Variants in LLGL1 observed in about 807,000 individuals in gnomAD.
LLGL1 encodes the protein lethal(2) giant larvae protein homolog 1.
Under a neutral mutation model 110.6 loss-of-function variants are expected in LLGL1, and 58 were observed. The ratio of observed to expected loss-of-function variants is 0.52; its 90% CI spans 0.42 to 0.65. The LOEUF is 0.65. Among genes scored for constraint, LLGL1 ranks in the 30% least tolerant of loss-of-function variants. The pLI is 0.00. For synonymous variants in LLGL1, 674 were observed against 607.2 expected (o/e 1.11, Z -1.62); for missense variants, 1,229 against 1,462.1 (o/e 0.84, Z 2.60).
chr17:18,232,330 G>A (rs1243547147), intron 2 of LLGL1, among the ~76,000 whole-genome samples, 165 bp from the exon 3 acceptor site: 2 of 152,246 alleles, frequency 1.3e-5, no homozygotes, highest in African/African-American at 4.8e-5. Context: ...GGTGCAGAGT[G>A]GGAGCTTTAG....
rs745717343 is a variant in LLGL1 at position 18,238,613 on chromosome 17, AGGCAGG to A, written c.2206+18_2206+23del. The A allele has an allele frequency of 2.3e-4, 366 of 1,608,852 alleles. No homozygotes were observed. The highest frequency in any genetic ancestry group is 2.7e-4 in the East Asian group (12 of 44,840). On this transcript the variant is annotated splice_donor_5th_base_variant and intron_variant, in intron 16 of 22. Coordinates refer to ENST00000316843, the MANE Select transcript of LLGL1 (RefSeq NM_004140.4). The stretch of plus-strand genomic sequence containing the variant: ...GCCGACACATTCCTTCGAGATGGTA[AGGCAGG>A]GGCAGGGGCAGGGACAGGGCAAGGG...
chr17:18,237,370 C>G (rs535108403), intron 13 of LLGL1, 111 bp from the exon 14 acceptor site: 78 of 1,102,096 alleles, frequency 7.1e-5, no homozygotes, highest in Non-Finnish European at 9.3e-5. Flanking sequence ...GAAGACAGTC[C>G]TAGAACCACC....
chr17:18,241,799 C>G, intron 18 of LLGL1, 84 bp downstream of exon 18: 2 of 1,608,006 alleles, frequency 1.2e-6, no homozygotes, highest in Non-Finnish European at 1.7e-6. Flanking sequence ...AGGAAGGGCA[C>G]TCCAGGTGGG....
chr17:18,237,513 G>A lies in LLGL1; in HGVS notation c.1644G>A (p.Val548=), dbSNP rs376726433. The stretch of plus-strand genomic sequence containing the variant: ...TACTGGAGCTTAGTGATGTGCCGGT[G>A]GAGCAGGCGGTCAGCGTGGCCATCA... ...VLVLELSDVP[V]EQAVSVAIID... The change falls in exon 14 of 23, where the codon GTG becomes GTA. Residue 548 remains valine, a synonymous_variant. Coordinates refer to ENST00000316843, the MANE Select transcript of LLGL1 (RefSeq NM_004140.4). 7 of 1,597,224 alleles carry A rather than the reference G, an allele frequency of 4.4e-6. No individual in the cohort carries two copies. The highest frequency in any genetic ancestry group is 5.1e-6 in the Non-Finnish European group (6 of 1,169,404).
At chr17:18,236,568 C>A in intron 11 of LLGL1, 39 bp from the exon 12 acceptor site, 3 of 1,581,508 alleles carry the variant, frequency 1.9e-6, no homozygotes, top group South Asian at 1.1e-5. Flanking sequence ...GCAGGCCTCC[C>A]AGGAACTCGG....
intron 1 of LLGL1, among the ~76,000 whole-genome samples, chr17:18,228,070 T>C (rs894297890): frequency 1.3e-5 from 2 of 152,186 alleles, no homozygotes; most frequent in African/African-American, 4.8e-5. Context: ...TCCAAGGTGC[T>C]GGGGACAACA....
chr17:18,232,528 G>C lies in LLGL1; in HGVS notation c.213G>C (p.Leu71=). ...CACCTGGCGTGGAGTTCACAGGCCT[G>C]CACCGGGATGCAGCCACTGTCACAC... ...YGAPGVEFTG[L]HRDAATVTQM... The change falls in exon 3 of 23, where the codon CTG becomes CTC. Residue 71 remains leucine, a synonymous_variant. Coordinates refer to ENST00000316843, the MANE Select transcript of LLGL1 (RefSeq NM_004140.4). The C allele has an allele frequency of 6.2e-7, 1 of 1,614,100 alleles. No individual in the cohort carries two copies. The highest frequency in any genetic ancestry group is 8.5e-7 in the Non-Finnish European group (1 of 1,179,984).
At position 18,237,760 on chromosome 17, in the gene LLGL1, C is replaced by T. The variant is rs765526913; in HGVS notation, c.1891C>T (p.Pro631Ser). 1.2e-6 allele frequency: 2 copies of T among 1,605,196 alleles called. No individual in the cohort carries two copies. The highest frequency in any genetic ancestry group is 1.7e-6 in the Non-Finnish European group (2 of 1,174,504). ...FGLFDYQRKS[P>S]VLARCTLHPN... ...CCTCTTCGACTACCAGCGCAAGAGC[C>T]CTGTGCTGGCCAGGTGTGTGGGGTG... Residue 631 changes from proline to serine, a missense_variant, in exon 14 of 23, where the codon CCT (proline) becomes TCT (serine). By Grantham distance (74) the Pro-to-Ser change is moderately conservative. Transcript: ENST00000316843.
At chr17:18,228,870 G>A in intron 1 of LLGL1, among the ~76,000 whole-genome samples, 1 of 151,932 alleles carries the variant, frequency 6.6e-6, no homozygotes, top group Non-Finnish European at 1.5e-5. Flanking sequence ...ACTGTGACTT[G>A]CCCAAGGCCA....
In LLGL1 at chr17:18,236,747, C is replaced by T. The variant is rs1400878692; in HGVS notation, c.1493C>T (p.Pro498Leu). 2 of 1,612,630 alleles carry T rather than the reference C, an allele frequency of 1.2e-6. No individual in the cohort carries two copies. The highest frequency in any genetic ancestry group is 1.7e-6 in the Non-Finnish European group (2 of 1,179,960). ...SLAQAAEDDW[P>L]PFRKVGCFDP... The stretch of plus-strand genomic sequence containing the variant: ...GCCCAGGCTGCCGAGGACGACTGGC[C>T]ACCCTTCCGCAAGGTGGGCCCCTCC... Residue 498 changes from proline to leucine, a missense_variant, in exon 12 of 23, where the codon CCA (proline) becomes CTA (leucine). Physicochemically the swap from Pro to Leu is moderately conservative, Grantham distance 98. Transcript: ENST00000316843.
At chr17:18,236,499 T>G in intron 11 of LLGL1, 108 bp from the exon 12 acceptor site, 3 of 1,109,014 alleles carry the variant, frequency 2.7e-6, no homozygotes, top group Non-Finnish European at 3.9e-6. Context: ...CCGGTCAGTG[T>G]TTGGCACGTG....
At chr17:18,232,117 A>G (rs957769745) in intron 2 of LLGL1, among the ~76,000 whole-genome samples, 2 of 152,248 alleles carry the variant, frequency 1.3e-5, no homozygotes, top group Non-Finnish European at 2.9e-5. Flanking sequence ...ACCCATAGAC[A>G]CACGGAGCTG....
At chr17:18,226,539 G>C (rs1345422498) in intron 1 of LLGL1, among the ~76,000 whole-genome samples, 1 of 152,240 alleles carries the variant, frequency 6.6e-6, no homozygotes, top group African/African-American at 2.4e-5. Context: ...TCCGAGTCCA[G>C]GGGACATGCC....
At chr17:18,237,966 G>A in intron 14 of LLGL1, 101 bp from the exon 15 acceptor site, 1 of 1,426,838 alleles carries the variant, frequency 7.0e-7, no homozygotes, top group Non-Finnish European at 9.6e-7. Context: ...CGCCAGAGGG[G>A]CTGTGACTCC....
Position 18,237,632 on chromosome 17 carries a change from A to G in LLGL1, c.1763A>G (p.Gln588Arg). The part of the protein sequence containing the change: ...TGPLPWPAGF[Q>R]PRVLVQCLPP... ...CCGCTGCCCTGGCCTGCTGGCTTCC[A>G]GCCCCGTGTCCTGGTGCAGTGCCTG... Residue 588 changes from glutamine to arginine, a missense_variant, in exon 14 of 23, where the codon CAG becomes CGG. Transcript: ENST00000316843. 1.2e-6 allele frequency: 2 copies of G among 1,611,756 alleles called. No homozygotes were observed. Among genetic ancestry groups the G allele is most frequent in the Non-Finnish European group, 1.7e-6 (2 of 1,179,918 alleles).
At chr17:18,227,966 C>G (rs1345344128) in intron 1 of LLGL1, among the ~76,000 whole-genome samples, 1 of 152,104 alleles carries the variant, frequency 6.6e-6, no homozygotes, top group African/African-American at 2.4e-5. Context: ...GGACTTTGGA[C>G]TCTGAGTCTT....
In LLGL1 at chr17:18,236,617, G is replaced by A. The variant is rs746563628; in HGVS notation, c.1363G>A (p.Gly455Ser). 3 of 1,611,588 alleles carry A rather than the reference G, an allele frequency of 1.9e-6. No individual in the cohort carries two copies. The highest frequency in any genetic ancestry group is 2.5e-6 in the Non-Finnish European group (3 of 1,179,044). ...RGLLLTGHED[G>S]TVRFWDASGV... ...CTGCCCTCCCTGCAGCCATGAGGAC[G>A]GCACCGTGAGGTTCTGGGATGCCTC... The change falls in exon 12 of 23, where the codon GGC (glycine) becomes AGC (serine). Residue 455 changes from glycine (G) to serine (S), a missense_variant. By Grantham distance (56) the Gly-to-Ser change is moderately conservative (BLOSUM62 0). Coordinates refer to ENST00000316843, the MANE Select transcript of LLGL1 (RefSeq NM_004140.4).
Position 18,240,539 on chromosome 17 carries a change from C to A in LLGL1, c.2207-39C>A, listed in dbSNP as rs1214756319. 1 of 1,544,130 alleles carries A rather than the reference C, an allele frequency of 6.5e-7. No individual in the cohort carries two copies. Among genetic ancestry groups the A allele is most frequent in the Non-Finnish European group, 8.7e-7 (1 of 1,142,892 alleles). On this transcript the variant is annotated intron_variant, in intron 16 of 22. Transcript: ENST00000316843. The surrounding 1 kb of genome is among the most constrained non-coding windows in gnomAD (Gnocchi z 5.3). ...GGAAGACCCCAGGGGAGATGCCTGG[C>A]CCACAGGGAGCACCCTCCTACGCGC...
Position 18,240,660 on chromosome 17 carries a change from A to G in LLGL1, c.2289A>G (p.Ala763=), listed in dbSNP as rs745932923. 1 of 1,613,058 alleles carries G rather than the reference A, an allele frequency of 6.2e-7. No homozygotes were observed. Among genetic ancestry groups the G allele is most frequent in the Non-Finnish European group, 8.5e-7 (1 of 1,179,804 alleles). ...FAYALEVPAA[A]VGGEKRPEQA... is the part of the protein sequence containing the mutation. ...ATGCACTGGAGGTGCCGGCAGCAGC[A>G]GTGGGTGGTGAGAAGCGGCCTGAGC... Residue 763 remains alanine (A), a synonymous_variant, in exon 17 of 23, where the codon GCA becomes GCG. Transcript: ENST00000316843. This position sits in a 1 kb window ranked among gnomAD's most constrained non-coding sequence, Gnocchi z 5.3.
Sources: allele counts gnomAD v4.1 joint callset (sites outside exome capture counted in the v4.1 genomes callset), GRCh38; gene constraint gnomAD v4.1.1; non-coding constraint Gnocchi (gnomAD v3.1); transcripts MANE v1.5; gene names NCBI Gene and HGNC (gene_info 2026-07-23, HGNC 2026-07-21).